Variants in RNF213 observed in about 807,000 individuals in gnomAD.
The protein encoded by RNF213 is E3 ubiquitin-protein ligase RNF213.
In RNF213, 341 loss-of-function variants were observed where a neutral mutation model predicts 514.4. That is an observed-to-expected ratio of 0.66 (90% CI 0.61 to 0.73). The LOEUF is 0.73. Ranked by LOEUF, RNF213 falls within the 30% of genes least tolerant of loss-of-function variation. The pLI, the probability that RNF213 is intolerant of heterozygous loss-of-function variation, is 0.00. For synonymous variants in RNF213, 2,655 were observed against 2,658.2 expected (o/e 1.00, Z 0.04); for missense variants, 5,767 against 6,615.6 (o/e 0.87, Z 4.45).
chr17:80,368,212 A>G, intron 44 of RNF213, 69 bp downstream of exon 44: 5 of 1,532,700 alleles, frequency 3.3e-6, no homozygotes, highest in Non-Finnish European at 4.5e-6. Flanking sequence ...CACAATATTC[A>G]GAAATATAAA....
chr17:80,319,567 G>A (rs150900021), intron 17 of RNF213: 107 of 1,600,368 alleles, frequency 6.7e-5, no homozygotes, highest in African/African-American at 5.4e-4. Context: ...GGCCGTGCGC[G>A]TGTGGCACAA....
At chr17:80,389,771 A>G (rs2080388254) in intron 65 of RNF213, 57 bp from the exon 66 acceptor site, 4 of 1,440,302 alleles carry the variant, frequency 2.8e-6, no homozygotes, top group Non-Finnish European at 3.9e-6. Flanking sequence ...CTGGTGCACG[A>G]CATGAGTGGG....
intron 36 of RNF213, among the ~76,000 whole-genome samples, chr17:80,356,660 G>A (rs576764779): frequency 3.6e-4 from 55 of 152,336 alleles, no homozygotes; most frequent in African/African-American, 1.2e-3. Flanking sequence ...CTCCAGATAG[G>A]GCGGAACCAG....
chr17:80,354,244 T>G (rs548998480), intron 35 of RNF213, 78 bp downstream of exon 35: 508 of 1,545,600 alleles, frequency 3.3e-4, no homozygotes, highest in Non-Finnish European at 4.2e-4. Context: ...TCACTGTGTG[T>G]TGGGGGACAC....
intron 54 of RNF213, chr17:80,379,386 A>G (rs2079893692): frequency 5.4e-6 from 3 of 551,592 alleles, no homozygotes; most frequent in Admixed American, 5.6e-5. Flanking sequence ...CTGGGAATAA[A>G]GCTTAAATTG....
At chr17:80,328,199 T>A in intron 19 of RNF213, 129 bp from the exon 20 acceptor site, 1 of 1,199,746 alleles carries the variant, frequency 8.3e-7, no homozygotes, top group Non-Finnish European at 1.1e-6. Context: ...CTCGAAAAAG[T>A]GGGTATGCGC....
Position 80,353,224 on chromosome 17 carries a change from C to T in RNF213, c.10423+165C>T. 2.0e-6 allele frequency: 2 copies of T among 1,004,892 alleles called. No homozygotes were observed. The highest frequency in any genetic ancestry group is 1.6e-5 in the African/African-American group (1 of 63,346). 62.2% of individuals were successfully genotyped at this position (1,004,892 alleles called of 1,614,324 possible). A position where few individuals can be genotyped will look rare whatever the true frequency, so the allele number is the denominator to read the frequency against. On this transcript the variant is annotated intron_variant, in intron 33 of 67. Coordinates refer to ENST00000582970, the MANE Select transcript of RNF213 (RefSeq NM_001256071.3). The surrounding 1 kb of genome is among the most constrained non-coding windows in gnomAD (Gnocchi z 5.0). ...AACTGACTGGTGGCTCATCATAGAG[C>T]ACCAGGGCCGAGCAGGTGCGCTTAC...
chr17:80,298,818 A>C, intron 11 of RNF213: 1 of 325,644 alleles, frequency 3.1e-6, no homozygotes, highest in South Asian at 2.7e-5. Context: ...TACCAAAAAA[A>C]AAAAAAAAAA....
At position 80,287,099 on chromosome 17, in the gene RNF213, G is replaced by A. The variant is rs1464370879; in HGVS notation, c.262-716G>A. Among the ~76,000 whole-genome samples the A allele has an allele frequency of 2.0e-5, 3 of 152,284 alleles. No individual in the cohort carries two copies. In the East Asian group the frequency reaches 5.8e-4, roughly 29 times the overall value. On this transcript the variant is annotated intron_variant, in intron 3 of 67. Coordinates refer to ENST00000582970, the MANE Select transcript of RNF213 (RefSeq NM_001256071.3). ...AACCAGGCCAGGCACGGTGGCTCAC[G>A]CGTGTAATCCCACACTTTGGGAGGC...
At position 80,273,395 on chromosome 17, in the gene RNF213, C is replaced by A. The variant is rs766396053; in HGVS notation, c.252C>A (p.Thr84=). 1.2e-6 allele frequency: 2 copies of A among 1,612,686 alleles called. No individual in the cohort carries two copies. The highest frequency in any genetic ancestry group is 2.2e-5 in the East Asian group (1 of 44,846). Residue 84 remains threonine (T), a synonymous_variant, in exon 3 of 68, where the codon ACC becomes ACA. Transcript: ENST00000582970. ...PEEPCSKASW[T]VQESKKKKRK... ...AGCCCTGTTCCAAAGCCTCCTGGAC[C>A]GTCCAAGAAGTGAGTGCACTGCCTC...
At position 80,309,132 on chromosome 17, in the gene RNF213, C is replaced by T. The variant is rs771952527; in HGVS notation, c.2616C>T (p.Ala872=). ...LKFYELPALS[A]EIVCRMIRLL... ...TTTACGAGCTGCCAGCCTTATCTGCCGAGATTGTCTGCAGAATGATTAGAC... is the reference window on the plus strand; with the variant it reads ...TTTACGAGCTGCCAGCCTTATCTGCTGAGATTGTCTGCAGAATGATTAGAC... Residue 872 remains alanine (A), a synonymous_variant, in exon 14 of 68, where the codon GCC becomes GCT. Coordinates refer to ENST00000582970, the MANE Select transcript of RNF213 (RefSeq NM_001256071.3). 6.9e-5 allele frequency: 111 copies of T among 1,614,046 alleles called. 1 individual carries two copies. Among genetic ancestry groups the T allele is most frequent in the Middle Eastern group, 1.6e-4 (1 of 6,084 alleles).
intron 29 of RNF213, among the ~76,000 whole-genome samples, chr17:80,349,125 C>T (rs1418749988): frequency 1.3e-5 from 2 of 152,082 alleles, no homozygotes; most frequent in African/African-American, 2.4e-5. Flanking sequence ...GGGTCCGGGG[C>T]GACCCCCTGG....
rs58866280 is a variant in RNF213, at chr17:80,396,734, ACCCCCCC to A, written c.*3242_*3248del. 1.5e-5 allele frequency: 1 copy of A among 68,850 alleles called. No homozygotes were observed. Among genetic ancestry groups the A allele is most frequent in the Non-Finnish European group, 2.7e-5 (1 of 36,900 alleles). 4.3% of individuals were successfully genotyped at this position (68,850 alleles called of 1,614,324 possible). A position where few individuals can be genotyped will look rare whatever the true frequency, so the allele number is the denominator to read the frequency against. On this transcript the variant is annotated 3_prime_UTR_variant, in exon 68 of 68. Coordinates refer to ENST00000582970, the MANE Select transcript of RNF213 (RefSeq NM_001256071.3). ...CGCCAGGAAAGTGCATTTCCCCCCC[ACCCCCCC>A]CCCCCAACCAGAGCAACTTTGGTCA... is the stretch of plus-strand genomic sequence containing the variant.
intron 31 of RNF213, 69 bp from the exon 32 acceptor site, chr17:80,351,616 G>A (rs1188746730): frequency 1.1e-6 from 1 of 888,040 alleles, no homozygotes; most frequent in Non-Finnish European, 1.8e-6. Flanking sequence ...GCTTTGCTTT[G>A]TTTATTTGCT....
chr17:80,295,826 T>C lies in RNF213; in HGVS notation c.2012+13T>C. The C allele has an allele frequency of 6.2e-7, 1 of 1,614,078 alleles. No homozygotes were observed. The highest frequency in any genetic ancestry group is 8.5e-7 in the Non-Finnish European group (1 of 1,179,956). ...GGATACCTCAGAGGTATTATTATTT[T>C]TTGTCAAAATGTTTTTTATAGCTAT... On this transcript the variant is annotated intron_variant, in intron 10 of 67. Transcript: ENST00000582970.
In RNF213 at chr17:80,383,820, T is replaced by G. The variant is rs1449373476; in HGVS notation, c.14214T>G (p.Ser4738=). Residue 4738 remains serine (S), a synonymous_variant, in exon 59 of 68, where the codon TCT becomes TCG. Coordinates refer to ENST00000582970, the MANE Select transcript of RNF213 (RefSeq NM_001256071.3). The part of the protein sequence containing the change: ...HLPRKSVVHC[S]KIWSCRKRIT... Reference sequence around the variant, plus strand: ...CCCGGAAAAGTGTGGTCCATTGCTCTAAGATTTGGAGCTGCAGGAAAAGAA... The same window carrying G: ...CCCGGAAAAGTGTGGTCCATTGCTCGAAGATTTGGAGCTGCAGGAAAAGAA... 2.5e-6 allele frequency: 4 copies of G among 1,614,144 alleles called. No individual in the cohort carries two copies. Among genetic ancestry groups the G allele is most frequent in the Non-Finnish European group, 3.4e-6 (4 of 1,180,030 alleles).
In RNF213 at chr17:80,385,621, G is replaced by A. The variant is rs763289074; in HGVS notation, c.14539G>A (p.Gly4847Ser). The A allele has an allele frequency of 3.9e-5, 63 of 1,613,444 alleles. No homozygotes were observed. Among genetic ancestry groups the A allele is most frequent in the South Asian group, 1.9e-4 (17 of 91,058 alleles). The change falls in exon 61 of 68, where the codon GGT becomes AGT. Residue 4847 changes from glycine to serine, a missense_variant and splice_region_variant. This residue lies in a region of RNF213 where 1,245 missense variants were observed against 1,339.0 expected (regional missense o/e 0.93). Coordinates refer to ENST00000582970, the MANE Select transcript of RNF213 (RefSeq NM_001256071.3). ...NKLRRSLETNGEINLPKDYCS... is the reference protein window; with the variant it reads ...NKLRRSLETNSEINLPKDYCS... ...ACTGAGGAGATCGCTTGAGACGAAC[G>A]GTTAGTATCCTGTCCCCTGTACCAC...
intron 46 of RNF213, 62 bp downstream of exon 46, chr17:80,369,929 T>A: frequency 8.6e-7 from 1 of 1,168,508 alleles, no homozygotes; most frequent in Non-Finnish European, 1.3e-6. Context: ...ATCGCAGCGT[T>A]TTGTTACCAA....
chr17:80,356,521 T>C (rs1044995290), intron 36 of RNF213, among the ~76,000 whole-genome samples: 1 of 152,220 alleles, frequency 6.6e-6, no homozygotes, highest in Admixed American at 6.5e-5. Flanking sequence ...ACTACCTCGA[T>C]TCACCACCAC....
Sources: allele counts gnomAD v4.1 joint callset (sites outside exome capture counted in the v4.1 genomes callset), GRCh38; gene constraint gnomAD v4.1.1; regional missense constraint gnomAD v4.1.1; non-coding constraint Gnocchi (gnomAD v3.1); transcripts MANE v1.5; gene names NCBI Gene and HGNC (gene_info 2026-07-23, HGNC 2026-07-21).